The following ADGRL2 variants were observed in gnomAD, a reference collection of about 807,000 sequenced individuals.
ADGRL2 encodes the protein calcium-independent alpha-latrotoxin receptor 2.
A neutral mutation model predicts 157.4 loss-of-function variants in ADGRL2; 44 were observed. The observed-to-expected ratio is 0.28, with a 90% CI of 0.22 to 0.36. The LOEUF (loss-of-function observed/expected upper bound fraction) is 0.36, where lower values mean the gene tolerates loss of function less well. Ranked by LOEUF, ADGRL2 falls within the 10% of genes least tolerant of loss-of-function variation. The probability of loss-of-function intolerance (pLI) is 1.00; values close to 1 mark genes in which losing one functional copy is unlikely to be tolerated. For synonymous variants in ADGRL2, 585 were observed against 624.7 expected (o/e 0.94, Z 0.95); for missense variants, 1,510 against 1,768.9 (o/e 0.85, Z 2.63).
intron 1 of ADGRL2, among the ~76,000 whole-genome samples, chr1:81,437,509 A>G (rs1400428263): frequency 6.6e-6 from 1 of 152,182 alleles, no homozygotes; most frequent in African/African-American, 2.4e-5. Context: ...AGCAGTTGCA[A>G]GATCCACAAA....
chr1:81,662,094 G>T (rs543306775), intron 3 of ADGRL2, among the ~76,000 whole-genome samples: 1 of 152,018 alleles, frequency 6.6e-6, no homozygotes, highest in Non-Finnish European at 1.5e-5. Context: ...GTGTGAAATA[G>T]CACATGATGG....
intron 2 of ADGRL2, among the ~76,000 whole-genome samples, chr1:81,477,893 C>G (rs983492127): frequency 1.3e-5 from 2 of 152,130 alleles, no homozygotes; most frequent in Admixed American, 1.3e-4. Context: ...TGATCCATCA[C>G]TACGATGTCA....
chr1:81,380,418 T>C (rs888307387), intron 1 of ADGRL2, among the ~76,000 whole-genome samples: 2 of 152,232 alleles, frequency 1.3e-5, no homozygotes, highest in African/African-American at 4.8e-5. Context: ...TTTTTAATCT[T>C]TTGCAAATTT....
At chr1:81,637,179 C>T (rs2082131451) in intron 3 of ADGRL2, among the ~76,000 whole-genome samples, 1 of 152,086 alleles carries the variant, frequency 6.6e-6, no homozygotes. Context: ...TGCACTGACC[C>T]AAAAGGAATA....
intron 1 of ADGRL2, among the ~76,000 whole-genome samples, chr1:81,316,697 A>C (rs954708345): frequency 6.6e-6 from 1 of 152,184 alleles, no homozygotes; most frequent in African/African-American, 2.4e-5. Context: ...TTTGCTGACA[A>C]GATATAGAAA....
intron 1 of ADGRL2, among the ~76,000 whole-genome samples, chr1:81,330,101 G>A (rs1411120289): frequency 6.6e-6 from 1 of 152,088 alleles, no homozygotes; most frequent in Non-Finnish European, 1.5e-5. Context: ...TTTGCCATAT[G>A]CTAATAAACT....
chr1:81,405,357 C>T (rs1275811947), intron 1 of ADGRL2, among the ~76,000 whole-genome samples: 3 of 152,050 alleles, frequency 2.0e-5, no homozygotes, highest in African/African-American at 7.2e-5. Context: ...CTGAATACCC[C>T]CAATGTGATA....
intron 2 of ADGRL2, among the ~76,000 whole-genome samples, chr1:81,490,521 G>GACAAGTTATTAAA (rs1322300371): frequency 6.6e-6 from 1 of 152,166 alleles, no homozygotes; most frequent in Non-Finnish European, 1.5e-5. Flanking sequence ...ATTAAATAGT[G>GACAAGTTATTAAA]TACCCAAATA....
intron 17 of ADGRL2, among the ~76,000 whole-genome samples, chr1:81,974,938 T>A (rs1365815702): frequency 6.6e-6 from 1 of 152,024 alleles, no homozygotes; most frequent in Non-Finnish European, 1.5e-5. Flanking sequence ...AAAAGAATGA[T>A]CTTTGTCAGT....
At chr1:81,504,298 C>T (rs1265101511) in intron 2 of ADGRL2, among the ~76,000 whole-genome samples, 1 of 152,070 alleles carries the variant, frequency 6.6e-6, no homozygotes, top group Admixed American at 6.5e-5. Flanking sequence ...CCCAGTCCTC[C>T]CCAGCCTTCT....
intron 1 of ADGRL2, among the ~76,000 whole-genome samples, chr1:81,330,043 T>A (rs890658414): frequency 6.6e-6 from 1 of 152,138 alleles, no homozygotes; most frequent in Admixed American, 6.6e-5. Flanking sequence ...TTTAAGTAAA[T>A]GGCAGTATTT....
At position 81,881,998 on chromosome 1, in the gene ADGRL2, T is replaced by A. The variant is rs1036170104; in HGVS notation, c.74-25019T>A. Among the ~76,000 whole-genome samples the A allele has an allele frequency of 3.3e-5, 5 of 152,178 alleles. No individual in the cohort carries two copies. The South Asian group carries it at 8.3e-4, about 25-fold the overall frequency. ...CCTTTTTTTCCTGAGTCTATCTTTTTAATGGGCCTCTCTTCTTTCCTGGTA... is the reference window on the plus strand; with the variant it reads ...CCTTTTTTTCCTGAGTCTATCTTTTAAATGGGCCTCTCTTCTTTCCTGGTA... On this transcript the variant is annotated intron_variant, in intron 2 of 23. Transcript: ENST00000686636.
chr1:81,469,115 A>T (rs2078118640), intron 2 of ADGRL2, among the ~76,000 whole-genome samples: 1 of 152,190 alleles, frequency 6.6e-6, no homozygotes, highest in Non-Finnish European at 1.5e-5. Flanking sequence ...CTGCAATTGG[A>T]ATCACCTGAG....
intron 1 of ADGRL2, among the ~76,000 whole-genome samples, chr1:81,804,311 G>T (rs1192298605): frequency 6.6e-6 from 1 of 152,100 alleles, no homozygotes; most frequent in Admixed American, 6.5e-5. Context: ...CAGACATTCC[G>T]ATTCTCTCCT....
upstream of ADGRL2, among the ~76,000 whole-genome samples, chr1:81,798,715 G>A (rs1012181117): frequency 2.0e-5 from 3 of 152,150 alleles, no homozygotes; most frequent in African/African-American, 4.8e-5. Context: ...AATATATCAT[G>A]CAGATAGATA....
chr1:81,910,518 A>G (rs1211894717), intron 3 of ADGRL2, among the ~76,000 whole-genome samples: 1 of 151,730 alleles, frequency 6.6e-6, no homozygotes, highest in Non-Finnish European at 1.5e-5. Context: ...TATAAATGAT[A>G]CCTCTTAACT....
intron 3 of ADGRL2, among the ~76,000 whole-genome samples, chr1:81,673,396 T>C (rs2082913838): frequency 1.3e-5 from 2 of 152,180 alleles, no homozygotes; most frequent in South Asian, 4.1e-4. Context: ...CACTTTTCTA[T>C]GGTCTAACAA....
chr1:81,550,140 A>T (rs903431288), intron 2 of ADGRL2, among the ~76,000 whole-genome samples: 2 of 152,192 alleles, frequency 1.3e-5, no homozygotes, highest in African/African-American at 4.8e-5. Context: ...ATAGGGTAGG[A>T]TAGCACAGAT....
intron 2 of ADGRL2, among the ~76,000 whole-genome samples, chr1:81,529,818 A>G (rs1461291863): frequency 6.6e-6 from 1 of 152,192 alleles, no homozygotes; most frequent in African/African-American, 2.4e-5. Flanking sequence ...AGCAGTCTAA[A>G]GCCCAAAGTC....
Sources: allele counts gnomAD v4.1 joint callset (sites outside exome capture counted in the v4.1 genomes callset), GRCh38; gene constraint gnomAD v4.1.1; transcripts MANE v1.5; gene names NCBI Gene and HGNC (gene_info 2026-07-23, HGNC 2026-07-21).